The following PIK3C2B variants were observed in gnomAD, a reference collection of about 807,000 sequenced individuals.
The protein encoded by PIK3C2B is phosphatidylinositol 4-phosphate 3-kinase C2 domain-containing subunit beta.
PIK3C2B carries 83 observed loss-of-function variants against 184.3 expected under a neutral mutation model. That is an observed-to-expected ratio of 0.45 (90% CI 0.38 to 0.54). PIK3C2B has a LOEUF of 0.54. Ranked by LOEUF, PIK3C2B falls within the 20% of genes least tolerant of loss-of-function variation. PIK3C2B has a pLI of 0.00. For missense variants in PIK3C2B, 1,736 were observed against 2,113.5 expected (o/e 0.82, Z 3.50); for synonymous variants, 779 against 837.6 (o/e 0.93, Z 1.21).
At chr1:204,460,263 T>G (rs777080915) in intron 7 of PIK3C2B, 61 bp downstream of exon 7, 11 of 1,345,834 alleles carry the variant, frequency 8.2e-6, no homozygotes, top group Admixed American at 1.7e-5. Flanking sequence ...AGCAGGCACA[T>G]CTGATGGGAT....
chr1:204,477,585 CT>C lies in PIK3C2B; in HGVS notation c.-84-7700del, dbSNP rs1656810689. Among the ~76,000 whole-genome samples, 3 of 152,212 alleles carry C rather than the reference CT, an allele frequency of 2.0e-5. No homozygotes were observed. The South Asian group carries it at 6.2e-4, about 31-fold the overall frequency. ...ATGGAAAGAAAGGAGAGGGCACTCCCTCCAGTGGAGCTGGCTCTGTTTAGTC... is the reference window on the plus strand; with the variant it reads ...ATGGAAAGAAAGGAGAGGGCACTCCCCCAGTGGAGCTGGCTCTGTTTAGTC... On this transcript the variant is annotated intron_variant, in intron 1 of 32. Coordinates refer to ENST00000684373, the MANE Select transcript of PIK3C2B (RefSeq NM_001377334.1).
chr1:204,455,798 G>A, intron 11 of PIK3C2B, 58 bp downstream of exon 11: 1 of 1,343,760 alleles, frequency 7.4e-7, no homozygotes, highest in Non-Finnish European at 1.0e-6. Flanking sequence ...ATAGGAAAAA[G>A]CCCTGGTGGA....
At chr1:204,442,500 G>A in intron 20 of PIK3C2B, 26 bp downstream of exon 20, 7 of 1,481,190 alleles carry the variant, frequency 4.7e-6, no homozygotes, top group Non-Finnish European at 5.5e-6. Context: ...CCCACTCTGA[G>A]AGCCCCAAAC....
intron 21 of PIK3C2B, among the ~76,000 whole-genome samples, chr1:204,440,895 G>A (rs1675622667): frequency 6.6e-6 from 1 of 152,040 alleles, no homozygotes; most frequent in Non-Finnish European, 1.5e-5. Flanking sequence ...TTATAGGCAT[G>A]AGGCACCACA....
chr1:204,436,706 T>C (rs1675364848), intron 23 of PIK3C2B, among the ~76,000 whole-genome samples: 1 of 152,240 alleles, frequency 6.6e-6, no homozygotes. Flanking sequence ...CATTTATTAT[T>C]ATTTAGTATT....
intron 12 of PIK3C2B, among the ~76,000 whole-genome samples, chr1:204,450,478 G>C (rs923029870): frequency 6.6e-6 from 1 of 151,932 alleles, no homozygotes; most frequent in Non-Finnish European, 1.5e-5. Context: ...GAGCCACCAG[G>C]AAGAAGCACC....
chr1:204,459,999 G>A, intron 7 of PIK3C2B, 58 bp from the exon 8 acceptor site: 1 of 1,428,012 alleles, frequency 7.0e-7, no homozygotes, highest in Non-Finnish European at 9.8e-7. Flanking sequence ...CCAGTGCCCT[G>A]GGAAACCCAT....
chr1:204,476,633 A>G (rs1178280546), intron 1 of PIK3C2B, among the ~76,000 whole-genome samples: 8 of 152,212 alleles, frequency 5.3e-5, no homozygotes, highest in African/African-American at 1.9e-4. Context: ...AAAAACAAAT[A>G]GCCATGTCGG....
At chr1:204,479,949 G>T (rs541403733) in intron 1 of PIK3C2B, among the ~76,000 whole-genome samples, 1 of 152,358 alleles carries the variant, frequency 6.6e-6, no homozygotes, top group Admixed American at 6.5e-5. Flanking sequence ...CTGCCTGGAG[G>T]GCTCATCAGA....
intron 1 of PIK3C2B, among the ~76,000 whole-genome samples, chr1:204,481,161 T>G (rs1047787081): frequency 6.7e-6 from 1 of 149,364 alleles, no homozygotes; most frequent in Admixed American, 6.7e-5. Context: ...ACCCTCCCCA[T>G]ACACACCCTA....
intron 1 of PIK3C2B, among the ~76,000 whole-genome samples, chr1:204,473,992 T>TTG (rs2103521713): frequency 1.3e-5 from 2 of 148,514 alleles, no homozygotes; most frequent in South Asian, 4.4e-4. Context: ...CCCTTGACTT[T>TTG]TTTTTTTTTT....
intron 1 of PIK3C2B, among the ~76,000 whole-genome samples, chr1:204,493,413 G>A (rs1227848257): frequency 6.6e-6 from 1 of 151,938 alleles, no homozygotes; most frequent in African/African-American, 2.4e-5. Context: ...ACAATACAGC[G>A]ATTCCATCCC....
rs1674654791 is a variant in PIK3C2B at position 204,424,744 on chromosome 1, G to A, written c.*108C>T. ...CCAGAATCACCTGGACCGAGCTGGA[G>A]GCCTGCCCAGGGCCCTGGCCCTTCA... is the stretch of plus-strand genomic sequence containing the variant. On this transcript the variant is annotated 3_prime_UTR_variant, in exon 33 of 33. Coordinates refer to ENST00000684373, the MANE Select transcript of PIK3C2B (RefSeq NM_001377334.1). 9.1e-7 allele frequency: 1 copy of A among 1,103,546 alleles called. No homozygotes were observed. Among genetic ancestry groups the A allele is most frequent in the Admixed American group, 1.7e-5 (1 of 59,360 alleles). 68.4% of individuals were successfully genotyped at this position (1,103,546 alleles called of 1,614,324 possible).
intron 9 of PIK3C2B, 47 bp downstream of exon 9, chr1:204,457,681 A>G: frequency 5.2e-6 from 8 of 1,543,194 alleles, no homozygotes; most frequent in East Asian, 2.3e-5. Flanking sequence ...GTTACCTGAC[A>G]GTATCCCTCT....
At chr1:204,453,198 G>C (rs918083214) in intron 12 of PIK3C2B, among the ~76,000 whole-genome samples, 1 of 152,180 alleles carries the variant, frequency 6.6e-6, no homozygotes, top group African/African-American at 2.4e-5. Context: ...TCAGTGTGGG[G>C]AAGCAAAGCC....
intron 17 of PIK3C2B, 21 bp downstream of exon 17, chr1:204,444,310 A>T: frequency 1.3e-6 from 2 of 1,589,252 alleles, no homozygotes; most frequent in Non-Finnish European, 1.7e-6. Context: ...GCAAAACTGG[A>T]GGGAGGACCA....
Position 204,469,881 on chromosome 1 carries a change from G to A in PIK3C2B, c.-79C>T. Reference sequence around the variant, plus strand: ...TCTGGAGGGTTGTGACATGGTGTCTGGGCGCCTGCAGGTGAGGGGTAAAAA... The same window carrying A: ...TCTGGAGGGTTGTGACATGGTGTCTAGGCGCCTGCAGGTGAGGGGTAAAAA... On this transcript the variant is annotated 5_prime_UTR_variant, in exon 2 of 33. Transcript: ENST00000684373. The A allele has an allele frequency of 1.1e-6, 1 of 895,438 alleles. No individual in the cohort carries two copies. The highest frequency in any genetic ancestry group is 1.8e-6 in the Non-Finnish European group (1 of 554,568). The allele number at this position is 895,438 out of a possible 1,614,324, so 55.5% of individuals were successfully genotyped here.
rs1461644961 is a variant in PIK3C2B, at chr1:204,423,935, G to C, written c.*917C>G. 1 of 152,622 alleles carries C rather than the reference G, an allele frequency of 6.6e-6. No homozygotes were observed. Among genetic ancestry groups the C allele is most frequent in the African/African-American group, 2.4e-5 (1 of 41,398 alleles). The allele number at this position is 152,622 out of a possible 1,614,324, so 9.5% of individuals were successfully genotyped here. A position where few individuals can be genotyped will look rare whatever the true frequency, so the allele number is the denominator to read the frequency against. On this transcript the variant is annotated 3_prime_UTR_variant, in exon 33 of 33. Transcript: ENST00000684373. ...GTCCCACCAGAGACAAATGAAGGGA[G>C]AGACCTATGGGGAAGCACCCCCAGC...
intron 1 of PIK3C2B, among the ~76,000 whole-genome samples, chr1:204,480,456 G>C (rs1415313467): frequency 6.6e-6 from 1 of 152,130 alleles, no homozygotes; most frequent in Non-Finnish European, 1.5e-5. Flanking sequence ...AGGGAGGCTG[G>C]CATGGTGGGA....
Sources: allele counts gnomAD v4.1 joint callset (sites outside exome capture counted in the v4.1 genomes callset), GRCh38; gene constraint gnomAD v4.1.1; transcripts MANE v1.5; gene names NCBI Gene and HGNC (gene_info 2026-07-23, HGNC 2026-07-21).